Variants in AMOTL2 observed in about 807,000 individuals in gnomAD.
AMOTL2 encodes angiomotin like 2, also known as angiomotin-like protein 2.
AMOTL2 carries 33 observed loss-of-function variants against 78.4 expected under a neutral mutation model. The ratio of observed to expected loss-of-function variants is 0.42; its 90% CI spans 0.32 to 0.56. The LOEUF is 0.56. AMOTL2 is among the 20% of genes least tolerant of loss of function. The probability of loss-of-function intolerance (pLI) is 0.12; values close to 1 mark genes in which losing one functional copy is unlikely to be tolerated. For synonymous variants in AMOTL2, 422 were observed against 428.8 expected, an observed-to-expected ratio of 0.98 and a Z score of 0.20; for missense variants, 983 against 1,030.1, an observed-to-expected ratio of 0.95 and a Z score of 0.63.
chr3:134,363,167 T>C lies in AMOTL2; in HGVS notation c.1280-1360A>G, dbSNP rs570352964. Among the ~76,000 whole-genome samples the C allele has an allele frequency of 4.7e-4, 72 of 152,258 alleles. 3 individuals carry two copies. The South Asian group carries it at 0.015, about 32-fold the overall frequency. Reference sequence around the variant, plus strand: ...GGTGAAGGCTTGAGACCTTGGCATGTGGAAGGGAGGATTCATTTACTCAGG... The same window carrying C: ...GGTGAAGGCTTGAGACCTTGGCATGCGGAAGGGAGGATTCATTTACTCAGG... On this transcript the variant is annotated intron_variant, in intron 5 of 9. Coordinates refer to ENST00000249883, the MANE Select transcript of AMOTL2 (RefSeq NM_016201.4).
At chr3:134,368,007 G>A (rs1232083773) in intron 2 of AMOTL2, 4 of 506,648 alleles carry the variant, frequency 7.9e-6, no homozygotes, top group African/African-American at 6.1e-5. Context: ...TTTTCCAAAT[G>A]TTTCTGCCTG....
rs368824669 is a variant in AMOTL2, at chr3:134,359,436, T to C, written c.1951A>G (p.Arg651Gly). ...TGGATGGCCTTGCCAGGGTCTCTCC[T>C]GGAGCGCTGCTGAAGGACCTTGATC... is the stretch of plus-strand genomic sequence containing the variant. ...AVIKVLQQRS[R>G]RDPGKAIQGS... is the part of the protein sequence containing the mutation. The change falls in exon 8 of 10, where the codon AGG (arginine) becomes GGG (glycine). Residue 651 changes from arginine (R) to glycine (G), a missense_variant. By Grantham distance (125) the Arg-to-Gly change is moderately radical (BLOSUM62 -2). Transcript: ENST00000249883. 1.5e-5 allele frequency: 25 copies of C among 1,614,066 alleles called. No individual in the cohort carries two copies. The highest frequency in any genetic ancestry group is 2.2e-5 in the South Asian group (2 of 91,084).
rs780877639 is a variant in AMOTL2 at position 134,360,117 on chromosome 3, C to T, written c.1872G>A (p.Glu624=). The part of the protein sequence containing the change: ...GLLTGGHRHQ[E]MESRLKVLHA... ...CTGCAATGCCGAACCTGCTTTCCAT[C>T]TCCTGATGCCTGTGGCCACCAGTGA... Residue 624 remains glutamate (E), a synonymous_variant, in exon 7 of 10, where the codon GAG becomes GAA. Transcript: ENST00000249883. The T allele has an allele frequency of 5.6e-6, 9 of 1,604,134 alleles. No homozygotes were observed. The highest frequency in any genetic ancestry group is 7.7e-6 in the Non-Finnish European group (9 of 1,171,676).
chr3:134,372,135 C>T, intron 1 of AMOTL2, among the ~76,000 whole-genome samples: 1 of 152,090 alleles, frequency 6.6e-6, no homozygotes, highest in Non-Finnish European at 1.5e-5. Context: ...ACTGAGGCAT[C>T]CCAGAGCCTT....
chr3:134,358,503 C>T (rs146149970), intron 9 of AMOTL2, 37 bp downstream of exon 9: 16 of 1,591,742 alleles, frequency 1.0e-5, no homozygotes, highest in Non-Finnish European at 1.4e-5. Flanking sequence ...GCCCCCTCGG[C>T]CCTACCTAGC....
intron 6 of AMOTL2, 120 bp downstream of exon 6, chr3:134,361,392 C>G (rs2017354564): frequency 8.2e-7 from 1 of 1,221,598 alleles, no homozygotes; most frequent in Non-Finnish European, 1.1e-6. Flanking sequence ...GGCCTGCAGC[C>G]TAGATCTAAG....
chr3:134,363,159 T>C (rs954000040), intron 5 of AMOTL2, among the ~76,000 whole-genome samples: 1 of 152,156 alleles, frequency 6.6e-6, no homozygotes, highest in African/African-American at 2.4e-5. Flanking sequence ...GCTTGAGACC[T>C]TGGCATGTGG....
chr3:134,359,789 C>T (rs1325826638), intron 7 of AMOTL2, among the ~76,000 whole-genome samples: 1 of 152,216 alleles, frequency 6.6e-6, no homozygotes, highest in Admixed American at 6.5e-5. Flanking sequence ...GTTCCAGATT[C>T]ATCAGATGAT....
At chr3:134,365,095 G>A (rs1039290397) in intron 5 of AMOTL2, among the ~76,000 whole-genome samples, 6 of 152,028 alleles carry the variant, frequency 3.9e-5, no homozygotes, top group African/African-American at 1.2e-4. Flanking sequence ...GGCCACCCCC[G>A]TTGTTCTTTT....
At position 134,355,888 on chromosome 3, in the gene AMOTL2, T is replaced by A. The variant is rs12317; in HGVS notation, c.*1817A>T. The A allele has an allele frequency of 0.08, 12,292 of 152,720 alleles. 636 individuals are homozygous for A. Among genetic ancestry groups the A allele is most frequent in the South Asian group, 0.21 (1,011 of 4,816 alleles). The allele number at this position is 152,720 out of a possible 1,614,324, so 9.5% of individuals were successfully genotyped here. ...TGCAAAGACATCACTTTTAATTATT[T>A]TTTTTTAATTAAAATACTGTTATAC... is the stretch of plus-strand genomic sequence containing the variant. On this transcript the variant is annotated 3_prime_UTR_variant, in exon 10 of 10. Coordinates refer to ENST00000249883, the MANE Select transcript of AMOTL2 (RefSeq NM_016201.4).
In AMOTL2 at chr3:134,370,770, T is replaced by C. The variant is rs1236634971; in HGVS notation, c.664A>G (p.Thr222Ala). ...CGTGGGTCAGTGACAGCAGTGGTGG[T>C]CTCATGAGCTAGTACAACATGAGGG... is the stretch of plus-strand genomic sequence containing the variant. ...QYPHVVLAHE[T>A]TTAVTDPRYR... Residue 222 changes from threonine (T) to alanine (A), a missense_variant, in exon 2 of 10, where the codon ACC (threonine) becomes GCC (alanine). Thr to Ala is a moderately conservative substitution (Grantham distance 58). Coordinates refer to ENST00000249883, the MANE Select transcript of AMOTL2 (RefSeq NM_016201.4). 1.3e-6 allele frequency: 2 copies of C among 1,522,442 alleles called. No homozygotes were observed. Among genetic ancestry groups the C allele is most frequent in the Non-Finnish European group, 1.8e-6 (2 of 1,135,720 alleles). 94.3% of individuals were successfully genotyped at this position (1,522,442 alleles called of 1,614,324 possible). A position where few individuals can be genotyped will look rare whatever the true frequency, so the allele number is the denominator to read the frequency against.
At chr3:134,359,612 C>A in intron 7 of AMOTL2, 109 bp from the exon 8 acceptor site, 2 of 881,224 alleles carry the variant, frequency 2.3e-6, no homozygotes, top group Non-Finnish European at 3.5e-6. Flanking sequence ...CTCCCCCAAC[C>A]CTGCCAGGCT....
At chr3:134,363,750 G>A (rs1402065559) in intron 5 of AMOTL2, among the ~76,000 whole-genome samples, 1 of 152,172 alleles carries the variant, frequency 6.6e-6, no homozygotes, top group Non-Finnish European at 1.5e-5. Context: ...ATAAAAGGGA[G>A]GTCAATCAGA....
intron 1 of AMOTL2, chr3:134,372,044 C>T (rs1373137262): frequency 6.4e-6 from 1 of 156,574 alleles, no homozygotes; most frequent in African/African-American, 2.4e-5. Context: ...AGTAGAAGCC[C>T]TAGGCGAAAG....
At chr3:134,367,465 G>A in intron 3 of AMOTL2, 32 bp downstream of exon 3, 9 of 1,605,284 alleles carry the variant, frequency 5.6e-6, no homozygotes, top group Non-Finnish European at 6.8e-6. Context: ...TCTCTTTCTG[G>A]TCTGCCCTTC....
chr3:134,359,355 C>T lies in AMOTL2; in HGVS notation c.2032G>A (p.Gly678Arg). Residue 678 changes from glycine to arginine, a missense_variant, in exon 8 of 10, where the codon GGA becomes AGA. Coordinates refer to ENST00000249883, the MANE Select transcript of AMOTL2 (RefSeq NM_016201.4). ...VPSVFAAAAA[G>R]TQGWQGLSSS... Reference sequence around the variant, plus strand: ...GAGAGCCCTTGCCAGCCCTGGGTTCCTGCTGCCGCAGCCGCGAAAACAGAT... The same window carrying T: ...GAGAGCCCTTGCCAGCCCTGGGTTCTTGCTGCCGCAGCCGCGAAAACAGAT... 1 of 1,614,194 alleles carries T rather than the reference C, an allele frequency of 6.2e-7. No homozygotes were observed. The highest frequency in any genetic ancestry group is 8.5e-7 in the Non-Finnish European group (1 of 1,180,034).
intron 3 of AMOTL2, 60 bp from the exon 4 acceptor site, chr3:134,366,487 G>A: frequency 6.5e-7 from 1 of 1,547,010 alleles, no homozygotes; most frequent in South Asian, 1.2e-5. Context: ...GTGATTCGAG[G>A]CTGACCCACT....
At chr3:134,359,133 T>C (rs1342849913) in intron 8 of AMOTL2, 150 bp downstream of exon 8, 8 of 809,564 alleles carry the variant, frequency 9.9e-6, no homozygotes, top group Non-Finnish European at 1.6e-5. Context: ...GTAGAGTCAC[T>C]AGAGGCAGAG....
upstream of AMOTL2, chr3:134,374,609 C>T (rs534491733): frequency 5.6e-5 from 55 of 985,546 alleles, no homozygotes; most frequent in Middle Eastern, 1.0e-3. Flanking sequence ...CTCCCGCTCC[C>T]TCCTCCCGGC....
Sources: gnomAD v4.1 joint callset for allele counts (sites outside exome capture counted in the v4.1 genomes callset) on GRCh38, gnomAD v4.1.1 for gene constraint, MANE v1.5 for transcripts, NCBI Gene and HGNC (gene_info 2026-07-23, HGNC 2026-07-21) for gene names.